HLA-F: variants seen among roughly 807,000 people sequenced by gnomAD.
The protein encoded by HLA-F is major histocompatibility complex, class I, F.
In HLA-F, 46 loss-of-function variants were observed where a neutral mutation model predicts 49.5. The ratio of observed to expected loss-of-function variants is 0.93; its 90% CI spans 0.73 to 1.19. HLA-F has a LOEUF of 1.19. Among genes scored for constraint, HLA-F ranks in the 50% most tolerant of loss-of-function variants. The pLI, the probability that HLA-F is intolerant of heterozygous loss-of-function variation, is 0.00. For missense variants in HLA-F, 496 were observed against 579.6 expected (o/e 0.86, Z 1.48); for synonymous variants, 203 against 233.5 (o/e 0.87, Z 1.19).
downstream of HLA-F, among the ~76,000 whole-genome samples, chr6:29,731,578 G>A (rs1776619701): frequency 6.6e-6 from 1 of 151,952 alleles, no homozygotes; most frequent in Non-Finnish European, 1.5e-5. Context: ...GTTCTATCTG[G>A]GCCCCTAGGT....
intron 3 of HLA-F, among the ~76,000 whole-genome samples, chr6:29,733,293 G>A (rs958720533): frequency 6.6e-6 from 1 of 152,156 alleles, no homozygotes; most frequent in Non-Finnish European, 1.5e-5. Flanking sequence ...GTCCAGGAAG[G>A]TTCAACAATA....
rs765422224 is a variant in HLA-F at position 29,723,749 on chromosome 6, G to A, written c.156G>A (p.Thr52=). Reference sequence around the variant, plus strand: ...TCGCCGTGGAGTACGTAGACGACACGCAATTCCTGCGGTTCGACAGCGACG... The same window carrying A: ...TCGCCGTGGAGTACGTAGACGACACACAATTCCTGCGGTTCGACAGCGACG... ...RYIAVEYVDD[T]QFLRFDSDAA... Residue 52 remains threonine, a synonymous_variant, in exon 2 of 7, where the codon ACG becomes ACA. Coordinates refer to ENST00000259951, the MANE Select transcript of HLA-F (RefSeq NM_001098479.2). 6.2e-7 allele frequency: 1 copy of A among 1,612,024 alleles called. No individual in the cohort carries two copies. The highest frequency in any genetic ancestry group is 1.1e-5 in the South Asian group (1 of 90,972).
At position 29,725,523 on chromosome 6, in the gene HLA-F, A is replaced by C. The variant is rs752184396; in HGVS notation, c.963A>C (p.Gly321=). Residue 321 remains glycine, a synonymous_variant, in exon 5 of 7, where the codon GGA becomes GGC. Coordinates refer to ENST00000259951, the MANE Select transcript of HLA-F (RefSeq NM_001098479.2). ...TTGTCCTTGGAGCTGTGGTCACTGG[A>C]GCTGTGGTCGCTGCTGTGATGTGGA... ...GLVVLGAVVT[G]AVVAAVMWRK... 1 of 1,613,814 alleles carries C rather than the reference A, an allele frequency of 6.2e-7. No individual in the cohort carries two copies. Among genetic ancestry groups the C allele is most frequent in the African/African-American group, 1.3e-5 (1 of 74,852 alleles).
At chr6:29,737,218 C>CAAGAAAAAAAAAA (rs1777180686) in intron 3 of HLA-F, among the ~76,000 whole-genome samples, 1 of 65,204 alleles carries the variant, frequency 1.5e-5, no homozygotes, top group Non-Finnish European at 2.5e-5. Flanking sequence ...ATCCTCATGG[C>CAAGAAAAAAAAAA]AAAAAAAAAA....
At position 29,726,588 on chromosome 6, in the gene HLA-F, GAA is replaced by G; in HGVS notation, c.1037-293_1037-292del. 4 of 1,510,700 alleles carry G rather than the reference GAA, an allele frequency of 2.6e-6. No individual in the cohort carries two copies. In the South Asian group the frequency reaches 3.8e-5, roughly 14 times the overall value. 93.6% of individuals were successfully genotyped at this position (1,510,700 alleles called of 1,614,324 possible). On this transcript the variant is annotated intron_variant, in intron 6 of 6. Coordinates refer to ENST00000259951, the MANE Select transcript of HLA-F (RefSeq NM_001098479.2). ...GTGTGTGTGTGTGTGTGTGTGAAGA[GAA>G]AGAGTGAATAGAGAGATTAAGATTC...
rs760517097 is a variant in HLA-F, at chr6:29,725,473, A to C, written c.913A>C (p.Ile305Leu). ...GCAGTCTCCCCAGCCCACCATCCCC[A>C]TCGTGGGCATCGTTGCTGGCCTTGT... ...WEQSPQPTIP[I>L]VGIVAGLVVL... The change falls in exon 5 of 7, where the codon ATC becomes CTC. Residue 305 changes from isoleucine (I) to leucine (L), a missense_variant. Ile to Leu is a conservative substitution (Grantham distance 5). Transcript: ENST00000259951. 4 of 1,613,904 alleles carry C rather than the reference A, an allele frequency of 2.5e-6. No homozygotes were observed. The African/African-American group carries it at 5.3e-5, about 22-fold the overall frequency.
At chr6:29,733,717 C>T (rs529731045) in intron 3 of HLA-F, among the ~76,000 whole-genome samples, 3 of 152,320 alleles carry the variant, frequency 2.0e-5, no homozygotes, top group African/African-American at 4.8e-5. Context: ...GCAGAAATGC[C>T]GATTATGGCA....
chr6:29,725,620 C>T, intron 5 of HLA-F, 57 bp downstream of exon 5: 1 of 1,429,498 alleles, frequency 7.0e-7, no homozygotes, highest in Non-Finnish European at 9.8e-7. Flanking sequence ...GGGTTGCAAG[C>T]CCCAAGTAGA....
rs543408889 is a variant in HLA-F at position 29,725,781 on chromosome 6, C to T, written c.1003+218C>T. 5.9e-5 allele frequency among the ~76,000 whole-genome samples: 9 copies of T among 152,298 alleles called. No homozygotes were observed. In the East Asian group the frequency reaches 1.7e-3, roughly 29 times the overall value. On this transcript the variant is annotated intron_variant, in intron 5 of 6. Transcript: ENST00000259951. ...TCGATGATTATGGTGGTGATGGGACCTGATCCCAGCAGTCACAAATCACAG... is the reference window on the plus strand; with the variant it reads ...TCGATGATTATGGTGGTGATGGGACTTGATCCCAGCAGTCACAAATCACAG...
chr6:29,724,316 G>A lies in HLA-F; in HGVS notation c.478G>A (p.Val160Met), dbSNP rs147086730. ...GCGCTCCTGGACCGCGGCGGACACC[G>A]TGGCTCAGATCACCCAGCGCTTCTA... ...DLRSWTAADT[V>M]AQITQRFYEA... The change falls in exon 3 of 7, where the codon GTG (valine) becomes ATG (methionine). Residue 160 changes from valine to methionine, a missense_variant. Transcript: ENST00000259951. The A allele has an allele frequency of 1.2e-5, 19 of 1,613,106 alleles. No homozygotes were observed. Among genetic ancestry groups the A allele is most frequent in the Non-Finnish European group, 1.6e-5 (19 of 1,180,050 alleles).
chr6:29,727,140 C>G lies in HLA-F; in HGVS notation c.1294C>G (p.Leu432Val). Residue 432 changes from leucine to valine, a missense_variant, in exon 7 of 7, where the codon CTT (leucine) becomes GTT (valine). Physicochemically the swap from Leu to Val is conservative, Grantham distance 32. Coordinates refer to ENST00000259951, the MANE Select transcript of HLA-F (RefSeq NM_001098479.2). ...CTTCCTTCTTCGTTCTTGGCACCAT[C>G]TTATGAAAAGGGTCCAGATTAAGAT... is the stretch of plus-strand genomic sequence containing the variant. ...RSFLLRSWHHLMKRVQIKIFD is the reference protein window; with the variant it reads ...RSFLLRSWHHVMKRVQIKIFD 6.2e-7 allele frequency: 1 copy of G among 1,604,576 alleles called. No individual in the cohort carries two copies. Among genetic ancestry groups the G allele is most frequent in the African/African-American group, 1.3e-5 (1 of 74,118 alleles).
intron 3 of HLA-F, chr6:29,735,204 CACAT>C (rs199817506): frequency 2.2e-5 from 3 of 133,442 alleles, no homozygotes; most frequent in East Asian, 2.3e-4. Context: ...CACACACACA[CACAT>C]ATAAACACCA....
In HLA-F at chr6:29,725,272, C is replaced by T. The variant is rs374197706; in HGVS notation, c.852C>T (p.His284=). The part of the protein sequence containing the change: ...EEQRYTCHVQ[H]EGLPQPLILR... ...AGAGATACACATGCCATGTGCAGCA[C>T]GAGGGGCTGCCCCAGCCCCTCATCC... The change falls in exon 4 of 7, where the codon CAC becomes CAT. Residue 284 remains histidine, a synonymous_variant. Coordinates refer to ENST00000259951, the MANE Select transcript of HLA-F (RefSeq NM_001098479.2). The T allele has an allele frequency of 4.5e-5, 72 of 1,614,012 alleles. No individual in the cohort carries two copies. Among genetic ancestry groups the T allele is most frequent in the Non-Finnish European group, 5.7e-5 (67 of 1,180,020 alleles).
Position 29,725,560 on chromosome 6 carries a change from T to C in HLA-F, c.1000T>C (p.Ser334Pro), listed in dbSNP as rs1205420412. The C allele has an allele frequency of 2.5e-6, 4 of 1,613,408 alleles. No individual in the cohort carries two copies. The highest frequency in any genetic ancestry group is 1.3e-5 in the African/African-American group (1 of 74,982). The part of the protein sequence containing the change: ...VAAVMWRKKS[S>P]DRNRGSYSQA... ...TGCTGTGATGTGGAGGAAGAAGAGCTCAGGTAGGAAGGGGTGAGGAGTGGA... is the reference window on the plus strand; with the variant it reads ...TGCTGTGATGTGGAGGAAGAAGAGCCCAGGTAGGAAGGGGTGAGGAGTGGA... The change falls in exon 5 of 7, where the codon TCA (serine) becomes CCA (proline). Residue 334 changes from serine to proline, a missense_variant. Coordinates refer to ENST00000259951, the MANE Select transcript of HLA-F (RefSeq NM_001098479.2).
In HLA-F at chr6:29,733,346, C is replaced by T. The variant is rs1367451697; in HGVS notation, c.404-4776C>T. On this transcript the variant is annotated intron_variant, in intron 3 of 4. Transcript: ENST00000465459. ...TTGAGGGGAGACCTAGGTGGTATTT[C>T]TTCTGTGTATTTTATTTTTTTTAAT... Among the ~76,000 whole-genome samples, 5 of 139,396 alleles carry T rather than the reference C, an allele frequency of 3.6e-5. No homozygotes were observed. The Admixed American group carries it at 3.6e-4, about 10-fold the overall frequency. 91.4% of individuals were successfully genotyped at this position (139,396 alleles called of 152,430 possible). A position where few individuals can be genotyped will look rare whatever the true frequency, so the allele number is the denominator to read the frequency against.
chr6:29,736,623 T>C (rs1736913), intron 3 of HLA-F: 205,142 of 328,986 alleles, frequency 0.62, 65,034 homozygotes, highest in East Asian at 0.68. Context: ...GGAAACACCA[T>C]TGGGTTCTAC....
chr6:29,734,637 C>A (rs749049078), intron 3 of HLA-F, among the ~76,000 whole-genome samples: 10 of 152,276 alleles, frequency 6.6e-5, no homozygotes, highest in Admixed American at 1.3e-4. Flanking sequence ...TATTCTTCAG[C>A]CTCTTTTTTA....
downstream of HLA-F, chr6:29,729,313 A>C (rs868754450): frequency 6.6e-6 from 1 of 152,156 alleles, no homozygotes; most frequent in South Asian, 2.1e-4. Context: ...TCACCTGTGG[A>C]GTAAAGACAA....
downstream of HLA-F, among the ~76,000 whole-genome samples, chr6:29,730,100 G>A (rs1776442570): frequency 6.6e-6 from 1 of 152,314 alleles, no homozygotes; most frequent in African/African-American, 2.4e-5. Context: ...AACTCACACA[G>A]ATAATTGTAC....
Sources: gnomAD v4.1 joint callset for allele counts (sites outside exome capture counted in the v4.1 genomes callset) on GRCh38, gnomAD v4.1.1 for gene constraint, MANE v1.5 for transcripts, NCBI Gene and HGNC (gene_info 2026-07-23, HGNC 2026-07-21) for gene names.